MCC: variants seen among roughly 807,000 people sequenced by gnomAD.
MCC encodes colorectal mutant cancer protein.
A neutral mutation model predicts 116.2 loss-of-function variants in MCC; 90 were observed. That is an observed-to-expected ratio of 0.77 (90% confidence interval 0.65 to 0.92). The LOEUF (loss-of-function observed/expected upper bound fraction) is 0.92, where lower values mean the gene tolerates loss of function less well. MCC is among the 40% of genes least tolerant of loss of function. The pLI, the probability that MCC is intolerant of heterozygous loss-of-function variation, is 0.00. For synonymous variants in MCC, 578 were observed against 510.5 expected (o/e 1.13, Z -1.78); for missense variants, 1,516 against 1,312.2 (o/e 1.16, Z -2.40).
At chr5:113,142,277 A>G (rs1759224081) in intron 5 of MCC, among the ~76,000 whole-genome samples, 1 of 151,908 alleles carries the variant, frequency 6.6e-6, no homozygotes, top group African/African-American at 2.4e-5. Context: ...TTGTGTAAGC[A>G]TTTGGTGAAC....
intron 12 of MCC, among the ~76,000 whole-genome samples, chr5:113,069,456 T>C (rs999437100): frequency 1.3e-5 from 2 of 152,268 alleles, no homozygotes; most frequent in Non-Finnish European, 2.9e-5. Context: ...GGGTCCCAGA[T>C]AATATGCCTG....
intron 3 of MCC, among the ~76,000 whole-genome samples, chr5:113,262,545 G>A (rs1179575324): frequency 6.6e-6 from 1 of 152,114 alleles, no homozygotes; most frequent in Non-Finnish European, 1.5e-5. Flanking sequence ...TGTGCAAAAC[G>A]TTTATACATG....
chr5:113,278,045 T>C (rs7722276), intron 3 of MCC, among the ~76,000 whole-genome samples: 90,656 of 152,066 alleles, frequency 0.6, 30,036 homozygotes, highest in African/African-American at 0.9. Flanking sequence ...GAAACCTGGG[T>C]ATTATTCCCA....
intron 1 of MCC, among the ~76,000 whole-genome samples, chr5:113,423,012 G>C (rs907305684): frequency 6.6e-6 from 1 of 152,108 alleles, no homozygotes; most frequent in East Asian, 1.9e-4. Context: ...AATACTCATC[G>C]TGTTTTCCAC....
chr5:113,213,032 G>A (rs949217915), intron 3 of MCC, among the ~76,000 whole-genome samples: 7 of 151,852 alleles, frequency 4.6e-5, no homozygotes, highest in East Asian at 1.9e-4. Context: ...TTTTGTGTGC[G>A]TTTTAAAATT....
At position 113,049,258 on chromosome 5, in the gene MCC, C is replaced by T; in HGVS notation, c.2490G>A (p.Glu830=). ...AELKAQLYLL[E]KEKKALELKL... ...TCAGCTCCAGGGCCTTCTTCTCTTT[C>T]TCCAGTAGGTAGAGCTGGGCCTTCA... Residue 830 remains glutamate (E), a synonymous_variant, in exon 16 of 19, where the codon GAG becomes GAA. Transcript: ENST00000408903. The T allele has an allele frequency of 6.2e-7, 1 of 1,611,776 alleles. No homozygotes were observed. Among genetic ancestry groups the T allele is most frequent in the Non-Finnish European group, 8.5e-7 (1 of 1,178,936 alleles).
chr5:113,134,286 T>C (rs1311119343), intron 5 of MCC, among the ~76,000 whole-genome samples: 1 of 152,204 alleles, frequency 6.6e-6, no homozygotes, highest in East Asian at 1.9e-4. Context: ...CTTCTGCATA[T>C]GGATATCCAC....
intron 3 of MCC, among the ~76,000 whole-genome samples, chr5:113,321,703 A>G (rs1260187608): frequency 1.3e-5 from 2 of 152,238 alleles, no homozygotes; most frequent in African/African-American, 4.8e-5. Context: ...TCAAATGCAA[A>G]GCCTGGGTTA....
chr5:113,470,512 C>G lies in MCC; in HGVS notation c.170+17733G>C, dbSNP rs1278321510. On this transcript the variant is annotated intron_variant, in intron 1 of 18. Transcript: ENST00000408903. ...TTTAAGAATGTTGAATATTCGTCCC[C>G]ACTCTCTTCTGGCTTGTAGAGTTTC... Among the ~76,000 whole-genome samples the G allele has an allele frequency of 2.6e-5, 4 of 152,200 alleles. No homozygotes were observed. In the East Asian group the frequency reaches 7.7e-4, roughly 29 times the overall value.
intron 8 of MCC, 63 bp from the exon 9 acceptor site, chr5:113,085,373 G>A (rs1755142142): frequency 6.6e-7 from 1 of 1,510,748 alleles, no homozygotes; most frequent in African/African-American, 1.4e-5. Context: ...AAAACAGCCA[G>A]ATGGGTAGGT....
intron 3 of MCC, among the ~76,000 whole-genome samples, chr5:113,217,347 T>C (rs138282340): frequency 1.6e-3 from 245 of 152,322 alleles, no homozygotes; most frequent in African/African-American, 5.5e-3. Flanking sequence ...CTATAGCACA[T>C]AGCTTGGAAT....
chr5:113,193,696 G>T (rs570916617), intron 3 of MCC, among the ~76,000 whole-genome samples: 2 of 152,138 alleles, frequency 1.3e-5, no homozygotes, highest in Non-Finnish European at 2.9e-5. Context: ...TTTCTCCTAG[G>T]AAACCGCTTC....
chr5:113,132,627 A>C (rs1012788592), intron 5 of MCC, among the ~76,000 whole-genome samples: 5 of 152,092 alleles, frequency 3.3e-5, no homozygotes, highest in African/African-American at 1.2e-4. Flanking sequence ...GGTTAGAATT[A>C]GTTCTTTACT....
At chr5:113,165,908 T>C (rs540234675) in intron 3 of MCC, among the ~76,000 whole-genome samples, 1 of 151,648 alleles carries the variant, frequency 6.6e-6, no homozygotes, top group East Asian at 1.9e-4. Context: ...GACACGGCTT[T>C]CTGCCCCCAA....
chr5:113,257,160 G>A (rs1190145629), intron 3 of MCC, among the ~76,000 whole-genome samples: 1 of 152,138 alleles, frequency 6.6e-6, no homozygotes, highest in African/African-American at 2.4e-5. Context: ...CTGGGGCTAA[G>A]CGTGTTCATT....
chr5:113,296,256 T>C (rs904254642), intron 3 of MCC, among the ~76,000 whole-genome samples: 1 of 152,186 alleles, frequency 6.6e-6, no homozygotes, highest in Non-Finnish European at 1.5e-5. Context: ...TGGTGGTATA[T>C]ACATAACTAT....
At chr5:113,329,086 C>T (rs1767633949) in intron 3 of MCC, among the ~76,000 whole-genome samples, 1 of 152,160 alleles carries the variant, frequency 6.6e-6, no homozygotes. Flanking sequence ...CCTCAAATTT[C>T]TCACGGGTAA....
At chr5:113,157,512 C>G (rs759334775) in intron 3 of MCC, among the ~76,000 whole-genome samples, 2 of 150,436 alleles carry the variant, frequency 1.3e-5, no homozygotes, top group African/African-American at 2.5e-5. Context: ...TAGATACATG[C>G]ACCTCATGCT....
At chr5:113,054,690 G>T (rs951321249) in intron 14 of MCC, among the ~76,000 whole-genome samples, 4 of 152,252 alleles carry the variant, frequency 2.6e-5, no homozygotes, top group Admixed American at 1.3e-4. Flanking sequence ...TCACAGGATA[G>T]TCTGAGTATA....
Sources: allele counts gnomAD v4.1 joint callset (sites outside exome capture counted in the v4.1 genomes callset), GRCh38; gene constraint gnomAD v4.1.1; transcripts MANE v1.5; gene names NCBI Gene and HGNC (gene_info 2026-07-23, HGNC 2026-07-21).